PTPRG: variants seen among roughly 807,000 people sequenced by gnomAD.
PTPRG encodes protein tyrosine phosphatase receptor type G.
In PTPRG, 102 loss-of-function variants were observed where a neutral mutation model predicts 165.3. That is an observed-to-expected ratio of 0.62 (90% CI 0.53 to 0.73). PTPRG has a LOEUF of 0.73. Ranked by LOEUF, PTPRG falls within the 30% of genes least tolerant of loss-of-function variation. The probability of loss-of-function intolerance (pLI) is 0.00; values close to 1 mark genes in which losing one functional copy is unlikely to be tolerated. For synonymous variants in PTPRG, 675 were observed against 669.5 expected (o/e 1.01, Z -0.13); for missense variants, 1,866 against 1,861.4 (o/e 1.00, Z -0.05).
intron 5 of PTPRG, among the ~76,000 whole-genome samples, chr3:62,098,217 A>C (rs997537664): frequency 6.6e-6 from 1 of 152,182 alleles, no homozygotes; most frequent in Non-Finnish European, 1.5e-5. Flanking sequence ...TTCTAGATTT[A>C]TAAATTCAGC....
At chr3:61,674,519 A>G (rs370622940) in intron 1 of PTPRG, among the ~76,000 whole-genome samples, 75 of 145,550 alleles carry the variant, frequency 5.2e-4, no homozygotes, top group African/African-American at 1.8e-3. Flanking sequence ...AAGCCATATT[A>G]GTACTCTATA....
At chr3:62,185,011 G>A (rs1705819425) in intron 8 of PTPRG, among the ~76,000 whole-genome samples, 1 of 151,270 alleles carries the variant, frequency 6.6e-6, no homozygotes, top group Non-Finnish European at 1.5e-5. Context: ...AGCCCCAAAT[G>A]AAGAGGATGG....
intron 2 of PTPRG, among the ~76,000 whole-genome samples, chr3:61,777,315 GAATTA>G (rs1403386144): frequency 2.6e-5 from 4 of 152,106 alleles, no homozygotes; most frequent in East Asian, 3.9e-4. Context: ...ACTGAATTTT[GAATTA>G]AATTAAATTT....
intron 5 of PTPRG, among the ~76,000 whole-genome samples, chr3:62,099,791 A>G (rs1287025771): frequency 7.5e-6 from 1 of 133,878 alleles, no homozygotes; most frequent in East Asian, 2.3e-4. Flanking sequence ...TAAGTGTTAA[A>G]TCTTTTTTTT....
chr3:61,927,992 T>A (rs1166497521), intron 2 of PTPRG, among the ~76,000 whole-genome samples: 4 of 152,094 alleles, frequency 2.6e-5, no homozygotes, highest in Admixed American at 2.6e-4. Context: ...CTCAGGTGAT[T>A]TTCCTGTACC....
rs936374357 is a variant in PTPRG, at chr3:62,164,105, C to T, written c.841-3866C>T. 8.5e-5 allele frequency among the ~76,000 whole-genome samples: 13 copies of T among 152,264 alleles called. No individual in the cohort carries two copies. In the East Asian group the frequency reaches 1.5e-3, roughly 18 times the overall value. ...ACAGATTACGGACCAAACATCGGAC[C>T]GGTCAAAGACCCAGAAAGACACAAC... On this transcript the variant is annotated intron_variant, in intron 7 of 29. Transcript: ENST00000474889.
chr3:61,860,759 A>C lies in PTPRG; in HGVS notation c.190+111777A>C, dbSNP rs147112738. On this transcript the variant is annotated intron_variant, in intron 2 of 29. Transcript: ENST00000474889. ...GCGCCTAGCCCATTTTTTAAAATTA[A>C]AGCTTTTCAGGTAACTGTTGTTTCA... Among the ~76,000 whole-genome samples the C allele has an allele frequency of 9.7e-4, 147 of 152,214 alleles. 3 individuals carry two copies. The East Asian group carries it at 0.019, about 20-fold the overall frequency.
chr3:61,998,335 C>T (rs1220764741), intron 3 of PTPRG, among the ~76,000 whole-genome samples: 1 of 152,132 alleles, frequency 6.6e-6, no homozygotes. Context: ...TGGATCCTTC[C>T]CTAGGATAAT....
intron 2 of PTPRG, among the ~76,000 whole-genome samples, chr3:61,889,636 A>G (rs2038153051): frequency 6.6e-6 from 1 of 152,146 alleles, no homozygotes; most frequent in African/African-American, 2.4e-5. Context: ...AGCTCATTTG[A>G]ACATTACAGT....
At chr3:61,839,025 A>G (rs768814829) in intron 2 of PTPRG, among the ~76,000 whole-genome samples, 6 of 152,202 alleles carry the variant, frequency 3.9e-5, no homozygotes, top group Non-Finnish European at 7.3e-5. Context: ...AAGCATTGAG[A>G]GGAGTTTTCA....
At chr3:62,126,818 T>G (rs1703308539) in intron 5 of PTPRG, among the ~76,000 whole-genome samples, 1 of 152,226 alleles carries the variant, frequency 6.6e-6, no homozygotes, top group Non-Finnish European at 1.5e-5. Flanking sequence ...CACTCTCAAT[T>G]GTGTCTCTGT....
intron 2 of PTPRG, among the ~76,000 whole-genome samples, chr3:61,791,474 A>G (rs2034865436): frequency 6.6e-6 from 1 of 152,130 alleles, no homozygotes; most frequent in East Asian, 1.9e-4. Context: ...CAGATGCTGT[A>G]TTTCTAATAA....
At chr3:62,265,060 T>C (rs1005611311) in intron 17 of PTPRG, among the ~76,000 whole-genome samples, 70 of 152,310 alleles carry the variant, frequency 4.6e-4, no homozygotes, top group African/African-American at 1.6e-3. Flanking sequence ...TGAGCATCTT[T>C]TCGTGCTTAT....
chr3:61,823,814 T>G (rs949923072), intron 2 of PTPRG, among the ~76,000 whole-genome samples: 5 of 152,112 alleles, frequency 3.3e-5, no homozygotes, highest in African/African-American at 1.2e-4. Flanking sequence ...AATATACTGA[T>G]AATAAATATC....
chr3:61,713,327 A>ATTTTTTT (rs556907427), intron 1 of PTPRG, among the ~76,000 whole-genome samples: 1 of 135,502 alleles, frequency 7.4e-6, no homozygotes, highest in Non-Finnish European at 1.6e-5. Flanking sequence ...CGCTCAGCTA[A>ATTTTTTT]TTTTTTTTTT....
intron 2 of PTPRG, among the ~76,000 whole-genome samples, chr3:61,890,281 C>T (rs1487427452): frequency 6.6e-6 from 1 of 152,118 alleles, no homozygotes; most frequent in Non-Finnish European, 1.5e-5. Flanking sequence ...AGGATGTTGT[C>T]ATTCATTCTT....
chr3:61,620,951 C>T (rs922753252), intron 1 of PTPRG, among the ~76,000 whole-genome samples: 2 of 150,962 alleles, frequency 1.3e-5, no homozygotes, highest in South Asian at 2.1e-4. Context: ...TTTTAATAAG[C>T]GTAGTGTGGA....
At chr3:62,107,729 A>C (rs779079654) in intron 5 of PTPRG, among the ~76,000 whole-genome samples, 1 of 152,262 alleles carries the variant, frequency 6.6e-6, no homozygotes, top group Non-Finnish European at 1.5e-5. Context: ...AAGATAAAAC[A>C]GTAAAAACTC....
intron 2 of PTPRG, chr3:61,770,882 T>C (rs2034187048): frequency 6.6e-6 from 1 of 152,190 alleles, no homozygotes; most frequent in South Asian, 2.1e-4. Context: ...GGGTGCTCTT[T>C]CTTTTTCTGT....
Sources: allele counts gnomAD v4.1 joint callset (sites outside exome capture counted in the v4.1 genomes callset), GRCh38; gene constraint gnomAD v4.1.1; transcripts MANE v1.5; gene names NCBI Gene and HGNC (gene_info 2026-07-23, HGNC 2026-07-21).